Variants in SHISA9 observed in about 807,000 individuals in gnomAD.
SHISA9 encodes protein shisa-9.
Under a neutral mutation model 38.0 loss-of-function variants are expected in SHISA9, and 13 were observed. The ratio of observed to expected loss-of-function variants is 0.34; its 90% CI spans 0.22 to 0.54. The LOEUF is 0.54. Among genes scored for constraint, SHISA9 ranks in the 20% least tolerant of loss-of-function variants. SHISA9 has a pLI of 0.91. For synonymous variants in SHISA9, 275 were observed against 242.0 expected, an observed-to-expected ratio of 1.14 and a Z score of -1.27; for missense variants, 538 against 575.8, an observed-to-expected ratio of 0.93 and a Z score of 0.67.
At chr16:13,142,846 G>A (rs556410677) in intron 2 of SHISA9, among the ~76,000 whole-genome samples, 2 of 152,140 alleles carry the variant, frequency 1.3e-5, no homozygotes, top group South Asian at 4.1e-4. Context: ...ACATGATTCA[G>A]GATGCTATAG....
chr16:13,549,960 T>C, the SHISA9 span, among the ~76,000 whole-genome samples: 1 of 151,306 alleles, frequency 6.6e-6, no homozygotes, highest in Admixed American at 6.6e-5. Context: ...GAGGCAGAGG[T>C]TGCAGTGAGC....
the SHISA9 span, among the ~76,000 whole-genome samples, chr16:13,500,021 T>C: frequency 6.6e-6 from 1 of 152,170 alleles, no homozygotes. Flanking sequence ...CGTGGTGTGA[T>C]AGATGCTTGA....
chr16:12,926,351 A>G (rs1297258191), intron 2 of SHISA9, among the ~76,000 whole-genome samples: 4 of 152,038 alleles, frequency 2.6e-5, no homozygotes, highest in African/African-American at 9.7e-5. Flanking sequence ...TTGAAAATGG[A>G]CCAACCGAGA....
At chr16:13,143,816 T>A (rs180779560) in intron 2 of SHISA9, among the ~76,000 whole-genome samples, 155 of 152,298 alleles carry the variant, frequency 1.0e-3, no homozygotes, top group African/African-American at 3.4e-3. Context: ...ATTGCTCACA[T>A]CTCTTCCCAA....
intron 2 of SHISA9, among the ~76,000 whole-genome samples, chr16:12,953,001 A>C (rs952395248): frequency 6.6e-6 from 1 of 152,164 alleles, no homozygotes; most frequent in African/African-American, 2.4e-5. Flanking sequence ...GGGGAAGACT[A>C]ATAACTAATA....
At chr16:12,933,342 T>C (rs2141746102) in intron 2 of SHISA9, among the ~76,000 whole-genome samples, 1 of 152,206 alleles carries the variant, frequency 6.6e-6, no homozygotes, top group Middle Eastern at 3.4e-3. Context: ...CCACCCAGGC[T>C]GGAGTGCAGT....
chr16:13,421,221 C>T, the SHISA9 span, among the ~76,000 whole-genome samples: 1 of 143,108 alleles, frequency 7.0e-6, no homozygotes, highest in South Asian at 2.3e-4. Context: ...CTGACAAGTA[C>T]TTTCTGCATT....
intron 2 of SHISA9, among the ~76,000 whole-genome samples, chr16:12,976,794 G>GCTTT (rs778351932): frequency 2.0e-4 from 30 of 152,084 alleles, no homozygotes; most frequent in Non-Finnish European, 4.3e-4. Context: ...TTCACCTGTG[G>GCTTT]CTTTGCCTGG....
At chr16:12,974,438 T>G (rs1474706701) in intron 2 of SHISA9, among the ~76,000 whole-genome samples, 3 of 151,156 alleles carry the variant, frequency 2.0e-5, no homozygotes, top group Non-Finnish European at 4.4e-5. Context: ...AATATGACTT[T>G]CATGTCCATA....
chr16:13,376,534 G>T, the SHISA9 span, among the ~76,000 whole-genome samples: 1 of 152,184 alleles, frequency 6.6e-6, no homozygotes, highest in East Asian at 1.9e-4. Flanking sequence ...TTTCCAGAGA[G>T]TCCAAGAGAA....
the SHISA9 span, among the ~76,000 whole-genome samples, chr16:13,316,235 A>G: frequency 2.0e-5 from 3 of 152,106 alleles, no homozygotes; most frequent in African/African-American, 7.2e-5. Flanking sequence ...GAAATTGTGG[A>G]GCAGAGAAGA....
the SHISA9 span, among the ~76,000 whole-genome samples, chr16:13,421,961 C>G: frequency 6.6e-6 from 1 of 152,228 alleles, no homozygotes; most frequent in Non-Finnish European, 1.5e-5. Context: ...ATGTGGTGAT[C>G]TAAGCCCTTT....
At chr16:13,174,442 G>A (rs1419006642) in intron 2 of SHISA9, among the ~76,000 whole-genome samples, 3 of 152,202 alleles carry the variant, frequency 2.0e-5, no homozygotes, top group African/African-American at 7.2e-5. Context: ...AAGCCCATTG[G>A]TGCCTATACC....
At position 13,200,615 on chromosome 16, in the gene SHISA9, G is replaced by GAATTCCCATATTGATATGAGCTCAGATT. The variant is rs2050997771; in HGVS notation, c.692-2779_692-2778insAATTCCCATATTGATATGAGCTCAGATT. 6.9e-3 allele frequency among the ~76,000 whole-genome samples: 961 copies of GAATTCCCATATTGATATGAGCTCAGATT among 139,244 alleles called. 31 individuals carry two copies. Among genetic ancestry groups the GAATTCCCATATTGATATGAGCTCAGATT allele is most frequent in the African/African-American group, 8.4e-3 (303 of 36,170 alleles). 91.3% of individuals were successfully genotyped at this position (139,244 alleles called of 152,430 possible). ...AATGTCAGAGGATCTTGGGCTCCAA[G>GAATTCCCATATTGATATGAGCTCAGATT]GTGTGGTGAAAGCCATACCTTATCA... On this transcript the variant is annotated intron_variant, in intron 2 of 4. Transcript: ENST00000558583.
chr16:12,925,031 A>T (rs1433751), intron 2 of SHISA9, among the ~76,000 whole-genome samples: 37,735 of 151,882 alleles, frequency 0.25, 5,293 homozygotes, highest in Non-Finnish European at 0.31. Context: ...TTGTAGAATG[A>T]GTGACTATTG....
At chr16:13,071,330 G>A (rs554232356) in intron 2 of SHISA9, among the ~76,000 whole-genome samples, 78 of 152,268 alleles carry the variant, frequency 5.1e-4, no homozygotes, top group African/African-American at 1.8e-3. Context: ...AGCACTTTCT[G>A]TATGGTTGGC....
Position 12,908,969 on chromosome 16 carries a change from G to C in SHISA9, c.563+6342G>C, listed in dbSNP as rs1431403382. 3.0e-6 allele frequency: 3 copies of C among 998,442 alleles called. No individual in the cohort carries two copies. The Admixed American group carries it at 1.7e-4, about 56-fold the overall frequency. 61.8% of individuals were successfully genotyped at this position (998,442 alleles called of 1,614,324 possible). On this transcript the variant is annotated intron_variant, in intron 1 of 4. Transcript: ENST00000558583. Reference sequence around the variant, plus strand: ...GCTTCAGAAGAACTGGCACCCCTTGGAAAGAAATAGCAACAAATAATGATA... The same window carrying C: ...GCTTCAGAAGAACTGGCACCCCTTGCAAAGAAATAGCAACAAATAATGATA...
intron 2 of SHISA9, among the ~76,000 whole-genome samples, chr16:13,097,386 G>C (rs1250765758): frequency 1.3e-5 from 2 of 151,894 alleles, no homozygotes; most frequent in African/African-American, 4.8e-5. Context: ...TCACGCGGTG[G>C]AATGCCCGAC....
At chr16:12,973,159 C>G (rs1273152653) in intron 2 of SHISA9, among the ~76,000 whole-genome samples, 1 of 152,170 alleles carries the variant, frequency 6.6e-6, no homozygotes, top group East Asian at 1.9e-4. Flanking sequence ...ATTTTGTTAG[C>G]AAGAATAAAA....
Sources: allele counts gnomAD v4.1 joint callset (sites outside exome capture counted in the v4.1 genomes callset), GRCh38; gene constraint gnomAD v4.1.1; transcripts MANE v1.5; gene names NCBI Gene and HGNC (gene_info 2026-07-23, HGNC 2026-07-21).